Variants in BMAL1 observed in about 807,000 individuals in gnomAD.
BMAL1 encodes basic helix-loop-helix ARNT-like protein 1.
At chr11:13,285,184 A>G in the BMAL1 span, among the ~76,000 whole-genome samples, 5 of 152,196 alleles carry the variant, frequency 3.3e-5, no homozygotes, top group African/African-American at 7.2e-5. Context: ...GTATGTCATA[A>G]TGAGCAAATT....
the BMAL1 span, among the ~76,000 whole-genome samples, chr11:13,284,702 G>T: frequency 6.6e-6 from 1 of 151,510 alleles, no homozygotes; most frequent in Non-Finnish European, 1.5e-5. Flanking sequence ...AGCTCTTTTT[G>T]CCCCCTCGTA....
chr11:13,370,710 C>T, the BMAL1 span, among the ~76,000 whole-genome samples: 18 of 152,338 alleles, frequency 1.2e-4, no homozygotes, highest in African/African-American at 4.1e-4. Flanking sequence ...TGTAGACCCA[C>T]ATGCTCCCCA....
chr11:13,317,578 G>A, the BMAL1 span, among the ~76,000 whole-genome samples: 1 of 152,104 alleles, frequency 6.6e-6, no homozygotes, highest in Non-Finnish European at 1.5e-5. Context: ...AGTAAATTGT[G>A]GGCAATGCAC....
At chr11:13,284,212 GTATATATATATATA>G in the BMAL1 span, among the ~76,000 whole-genome samples, 1 of 13,256 alleles carries the variant, frequency 7.5e-5, no homozygotes, top group African/African-American at 1.7e-4. Context: ...ATATATATGT[GTATATATATATATA>G]TGTGTGTGTA....
the BMAL1 span, among the ~76,000 whole-genome samples, chr11:13,320,166 G>GTA: frequency 6.6e-6 from 1 of 152,202 alleles, no homozygotes; most frequent in Non-Finnish European, 1.5e-5. Context: ...GGTCCAGGCT[G>GTA]TATCTCAAGG....
chr11:13,301,784 A>G, the BMAL1 span, among the ~76,000 whole-genome samples: 1 of 152,208 alleles, frequency 6.6e-6, no homozygotes, highest in Admixed American at 6.5e-5. Flanking sequence ...AGAGCTTTAT[A>G]TGTAGTAACT....
the BMAL1 span, among the ~76,000 whole-genome samples, chr11:13,324,155 C>A: frequency 6.6e-6 from 1 of 152,112 alleles, no homozygotes; most frequent in Non-Finnish European, 1.5e-5. Flanking sequence ...CTCGTTCAAA[C>A]CTCCACTGTC....
chr11:13,284,130 ATATATATATATATGTG>A, the BMAL1 span, among the ~76,000 whole-genome samples: 1,118 of 62,794 alleles, frequency 0.018, 107 homozygotes, highest in African/African-American at 0.043. Flanking sequence ...GTGTGTGTGT[ATATATATATATATGTG>A]TATATATATA....
the BMAL1 span, chr11:13,373,969 C>A: frequency 1.4e-6 from 1 of 722,432 alleles, no homozygotes; most frequent in South Asian, 1.7e-5. Flanking sequence ...GAAAATCCAT[C>A]CAGCTCTTTT....
At chr11:13,354,935 T>C in the BMAL1 span, 1 of 249,790 alleles carries the variant, frequency 4.0e-6, no homozygotes, top group Non-Finnish European at 7.8e-6. Flanking sequence ...TCCTTAAACA[T>C]TATTTAAATT....
the BMAL1 span, among the ~76,000 whole-genome samples, chr11:13,319,240 G>A: frequency 1.3e-5 from 2 of 152,120 alleles, no homozygotes; most frequent in Admixed American, 6.5e-5. Flanking sequence ...AGTAAATTTC[G>A]TTTTGTATTG....
At chr11:13,284,124 GTGTGTATATA>G in the BMAL1 span, among the ~76,000 whole-genome samples, 92 of 106,320 alleles carry the variant, frequency 8.7e-4, 1 homozygote, top group African/African-American at 1.3e-3. Context: ...ATATATGTGT[GTGTGTATATA>G]TATATATATG....
At chr11:13,358,172 G>GT in the BMAL1 span, among the ~76,000 whole-genome samples, 3 of 152,178 alleles carry the variant, frequency 2.0e-5, no homozygotes, top group South Asian at 6.2e-4. Context: ...GAACAATTCA[G>GT]TTTACTCTGA....
chr11:13,339,412 A>G, the BMAL1 span, among the ~76,000 whole-genome samples: 1 of 139,472 alleles, frequency 7.2e-6, no homozygotes, highest in South Asian at 2.2e-4. Flanking sequence ...CTCCTAACTC[A>G]GCTTCCTGCC....
chr11:13,312,933 C>T, the BMAL1 span, among the ~76,000 whole-genome samples: 9 of 152,152 alleles, frequency 5.9e-5, no homozygotes, highest in Non-Finnish European at 1.0e-4. Flanking sequence ...TAGAATGTGA[C>T]GTCAGGTATG....
At chr11:13,290,489 G>A in the BMAL1 span, among the ~76,000 whole-genome samples, 1 of 152,074 alleles carries the variant, frequency 6.6e-6, no homozygotes, top group African/African-American at 2.4e-5. Context: ...TGCTGTCCAG[G>A]TAATACCTGG....
the BMAL1 span, among the ~76,000 whole-genome samples, chr11:13,281,088 G>C: frequency 6.6e-6 from 1 of 152,134 alleles, no homozygotes; most frequent in African/African-American, 2.4e-5. Context: ...AAAAGGCCTG[G>C]CACACAGGAA....
chr11:13,374,970 T>C, the BMAL1 span, among the ~76,000 whole-genome samples: 116,774 of 152,100 alleles, frequency 0.77, 45,692 homozygotes, highest in Middle Eastern at 0.88. Flanking sequence ...CTCACTGGCC[T>C]CTCCCCAACC....
chr11:13,290,503 C>CA, the BMAL1 span, among the ~76,000 whole-genome samples: 2 of 152,114 alleles, frequency 1.3e-5, no homozygotes, highest in African/African-American at 4.8e-5. Context: ...TACCTGGCTG[C>CA]AAAGCCTGAC....
Sources: allele counts gnomAD v4.1 joint callset (sites outside exome capture counted in the v4.1 genomes callset), GRCh38; gene constraint gnomAD v4.1.1; transcripts MANE v1.5; gene names NCBI Gene and HGNC (gene_info 2026-07-23, HGNC 2026-07-21).